GRM1: variants seen among roughly 807,000 people sequenced by gnomAD.
GRM1 encodes metabotropic glutamate receptor 1.
A neutral mutation model predicts 90.9 loss-of-function variants in GRM1; 33 were observed. The ratio of observed to expected loss-of-function variants is 0.36; its 90% CI spans 0.28 to 0.49. GRM1 has a LOEUF of 0.49. GRM1 is among the 20% of genes least tolerant of loss of function. The probability of loss-of-function intolerance (pLI) is 0.99; values close to 1 mark genes in which losing one functional copy is unlikely to be tolerated. For synonymous variants in GRM1, 700 were observed against 613.2 expected (o/e 1.14, Z -2.09); for missense variants, 1,190 against 1,534.3 (o/e 0.78, Z 3.75).
At chr6:146,378,776 G>A (rs555124606) in intron 5 of GRM1, among the ~76,000 whole-genome samples, 2 of 152,262 alleles carry the variant, frequency 1.3e-5, no homozygotes, top group Admixed American at 1.3e-4. Flanking sequence ...GGCATAATAG[G>A]TCTTGAAATG....
intron 2 of GRM1, among the ~76,000 whole-genome samples, chr6:146,166,118 A>G (rs943651118): frequency 1.3e-5 from 2 of 152,122 alleles, no homozygotes; most frequent in African/African-American, 4.8e-5. Flanking sequence ...CAGAGACAAT[A>G]TGGAATTTAT....
chr6:146,355,701 GC>G (rs1785559036), intron 4 of GRM1, among the ~76,000 whole-genome samples: 1 of 152,134 alleles, frequency 6.6e-6, no homozygotes, highest in African/African-American at 2.4e-5. Flanking sequence ...GCCAGATACA[GC>G]CAATAGATTT....
At chr6:146,199,117 T>C (rs920798817) in intron 2 of GRM1, among the ~76,000 whole-genome samples, 1 of 152,172 alleles carries the variant, frequency 6.6e-6, no homozygotes, top group Non-Finnish European at 1.5e-5. Flanking sequence ...ATTGGACAAT[T>C]TTTGTGATAC....
At chr6:146,272,091 T>A (rs955568460) in intron 2 of GRM1, among the ~76,000 whole-genome samples, 1 of 152,178 alleles carries the variant, frequency 6.6e-6, no homozygotes, top group Non-Finnish European at 1.5e-5. Context: ...CCTTCCCTTA[T>A]GGATACACAT....
chr6:146,357,988 A>G (rs757502497), intron 5 of GRM1, among the ~76,000 whole-genome samples: 27 of 152,236 alleles, frequency 1.8e-4, no homozygotes, highest in Non-Finnish European at 3.4e-4. Flanking sequence ...AATCAAAAAC[A>G]GAAGTAAATG....
chr6:146,391,910 T>C (rs1776736932), intron 6 of GRM1, among the ~76,000 whole-genome samples: 2 of 152,094 alleles, frequency 1.3e-5, no homozygotes, highest in Non-Finnish European at 2.9e-5. Flanking sequence ...GACAAACTGC[T>C]ACTGTTACAA....
intron 5 of GRM1, among the ~76,000 whole-genome samples, chr6:146,381,467 G>T (rs1297422093): frequency 6.6e-6 from 1 of 152,174 alleles, no homozygotes; most frequent in Non-Finnish European, 1.5e-5. Flanking sequence ...ACCTAGAGAT[G>T]CTCTCTGCAT....
At chr6:146,142,662 C>T (rs922490141) in intron 1 of GRM1, among the ~76,000 whole-genome samples, 3 of 151,602 alleles carry the variant, frequency 2.0e-5, no homozygotes, top group Admixed American at 6.6e-5. Context: ...GGCGTTTCTC[C>T]GCATAGACCA....
chr6:146,414,639 T>C (rs1265693225), intron 7 of GRM1, among the ~76,000 whole-genome samples: 1 of 152,180 alleles, frequency 6.6e-6, no homozygotes, highest in Non-Finnish European at 1.5e-5. Flanking sequence ...CCTGACCTTG[T>C]GATCCGCCCG....
At chr6:146,106,784 A>C (rs762104966) in intron 1 of GRM1, among the ~76,000 whole-genome samples, 3 of 152,186 alleles carry the variant, frequency 2.0e-5, no homozygotes, top group Admixed American at 2.0e-4. Context: ...GTCATTCCTT[A>C]TGTATAAGAA....
chr6:146,153,774 C>T (rs1777426191), intron 1 of GRM1, among the ~76,000 whole-genome samples: 1 of 152,148 alleles, frequency 6.6e-6, no homozygotes, highest in Non-Finnish European at 1.5e-5. Context: ...CCTGCACATG[C>T]ACCCCTGAAC....
At chr6:146,258,028 G>T (rs1434440596) in intron 2 of GRM1, among the ~76,000 whole-genome samples, 1 of 151,932 alleles carries the variant, frequency 6.6e-6, no homozygotes, top group African/African-American at 2.4e-5. Context: ...AATACTTGTG[G>T]TTTTAGTAGC....
intron 5 of GRM1, among the ~76,000 whole-genome samples, chr6:146,382,007 TA>T (rs1191249493): frequency 6.6e-6 from 1 of 152,156 alleles, no homozygotes; most frequent in Non-Finnish European, 1.5e-5. Context: ...ACATTGTGTG[TA>T]GCAGCAGATC....
At chr6:146,139,996 G>GCTTCCCTCCC (rs1776788504) in intron 1 of GRM1, among the ~76,000 whole-genome samples, 2 of 92,230 alleles carry the variant, frequency 2.2e-5, no homozygotes, top group Non-Finnish European at 4.2e-5. Flanking sequence ...GCTTCCCTCC[G>GCTTCCCTCCC]CTTCCCTCCC....
intron 7 of GRM1, among the ~76,000 whole-genome samples, chr6:146,411,770 A>G (rs547032676): frequency 2.6e-5 from 4 of 152,328 alleles, no homozygotes; most frequent in African/African-American, 7.2e-5. Flanking sequence ...CAATGTTAAG[A>G]TATACACAGA....
chr6:146,393,577 G>C (rs977767056), intron 6 of GRM1, among the ~76,000 whole-genome samples: 2 of 151,760 alleles, frequency 1.3e-5, no homozygotes, highest in African/African-American at 4.8e-5. Flanking sequence ...AATTGCTTTT[G>C]GTGTTTTAGA....
At chr6:146,209,888 A>G (rs1199257505) in intron 2 of GRM1, among the ~76,000 whole-genome samples, 1 of 152,190 alleles carries the variant, frequency 6.6e-6, no homozygotes, top group African/African-American at 2.4e-5. Context: ...TAAGCCTTCC[A>G]GGTTTAAGGG....
intron 3 of GRM1, among the ~76,000 whole-genome samples, chr6:146,324,189 A>G (rs117627819): frequency 6.6e-6 from 1 of 152,234 alleles, no homozygotes; most frequent in African/African-American, 2.4e-5. Context: ...CTTTGTTTAC[A>G]CTGGGAGGGG....
chr6:146,072,909 A>G (rs1776060979), intron 1 of GRM1, among the ~76,000 whole-genome samples: 1 of 152,054 alleles, frequency 6.6e-6, no homozygotes, highest in Non-Finnish European at 1.5e-5. Flanking sequence ...AAGAAATGGG[A>G]CTTGCTGCCA....
Sources: gnomAD v4.1 joint callset for allele counts (sites outside exome capture counted in the v4.1 genomes callset) on GRCh38, gnomAD v4.1.1 for gene constraint, MANE v1.5 for transcripts, NCBI Gene and HGNC (gene_info 2026-07-23, HGNC 2026-07-21) for gene names.